TXNRD1: variants seen among roughly 807,000 people sequenced by gnomAD.
The protein encoded by TXNRD1 is thioredoxin reductase 1, also known as thioredoxin reductase 1, cytoplasmic.
A neutral mutation model predicts 80.3 loss-of-function variants in TXNRD1; 57 were observed. The observed-to-expected ratio is 0.71, with a 90% CI of 0.57 to 0.89. The LOEUF is 0.89. Ranked by LOEUF, TXNRD1 falls within the 40% of genes least tolerant of loss-of-function variation. The pLI, the probability that TXNRD1 is intolerant of heterozygous loss-of-function variation, is 0.00. For synonymous variants in TXNRD1, 291 were observed against 285.2 expected, an observed-to-expected ratio of 1.02 and a Z score of -0.20; for missense variants, 730 against 803.0, an observed-to-expected ratio of 0.91 and a Z score of 1.10.
At chr12:104,307,045 TTAAAA>T (rs986698135) in intron 4 of TXNRD1, among the ~76,000 whole-genome samples, 59 of 152,200 alleles carry the variant, frequency 3.9e-4, no homozygotes, top group African/African-American at 1.4e-3. Flanking sequence ...TTAATAGCTG[TTAAAA>T]TATAAAGTTG....
intron 14 of TXNRD1, among the ~76,000 whole-genome samples, chr12:104,331,891 A>G (rs2035964447): frequency 6.6e-6 from 1 of 151,884 alleles, no homozygotes; most frequent in African/African-American, 2.4e-5. Flanking sequence ...TAAATACTTT[A>G]TTGTGTATTT....
intron 12 of TXNRD1, 37 bp from the exon 13 acceptor site, chr12:104,327,478 G>A (rs1488182180): frequency 3.2e-6 from 5 of 1,574,634 alleles, no homozygotes; most frequent in South Asian, 1.2e-5. Flanking sequence ...ATTAATAATG[G>A]TAATTAATGA....
At chr12:104,319,733 AAG>A in intron 9 of TXNRD1, 148 bp downstream of exon 9, 1 of 658,344 alleles carries the variant, frequency 1.5e-6, no homozygotes, top group African/African-American at 1.8e-5. Context: ...GTTTGGGAGA[AAG>A]AGAAAAAGGA....
intron 1 of TXNRD1, among the ~76,000 whole-genome samples, chr12:104,219,251 A>T (rs1342946292): frequency 1.3e-5 from 2 of 152,198 alleles, no homozygotes; most frequent in Admixed American, 6.5e-5. Flanking sequence ...TATTGACATT[A>T]AAAATGTTCT....
intron 3 of TXNRD1, among the ~76,000 whole-genome samples, chr12:104,275,204 G>A (rs2033732108): frequency 2.0e-5 from 3 of 151,372 alleles, no homozygotes; most frequent in Admixed American, 2.0e-4. Flanking sequence ...CTTGAACCCA[G>A]GAGGCAGAGG....
intron 1 of TXNRD1, among the ~76,000 whole-genome samples, chr12:104,217,457 T>A (rs1396575733): frequency 1.3e-5 from 2 of 151,888 alleles, no homozygotes; most frequent in African/African-American, 4.8e-5. Flanking sequence ...ATTACAGGCA[T>A]GCACCACCAC....
chr12:104,250,315 AT>A (rs1344051136), intron 1 of TXNRD1, among the ~76,000 whole-genome samples: 2 of 152,234 alleles, frequency 1.3e-5, no homozygotes, highest in Non-Finnish European at 2.9e-5. Context: ...TACAAAAAAA[AT>A]AAAATCCTTG....
intron 4 of TXNRD1, among the ~76,000 whole-genome samples, chr12:104,303,232 T>G (rs1219047373): frequency 6.6e-6 from 1 of 152,092 alleles, no homozygotes; most frequent in African/African-American, 2.4e-5. Flanking sequence ...GGGGGCTTGG[T>G]TTTTAAGAGG....
chr12:104,284,712 G>A (rs903657826), intron 3 of TXNRD1, among the ~76,000 whole-genome samples: 1 of 152,180 alleles, frequency 6.6e-6, no homozygotes, highest in African/African-American at 2.4e-5. Context: ...GGACAAAGAA[G>A]AGGGAAGGAG....
chr12:104,345,586 G>A (rs1189233598), intron 16 of TXNRD1, among the ~76,000 whole-genome samples: 1 of 152,146 alleles, frequency 6.6e-6, no homozygotes, highest in Non-Finnish European at 1.5e-5. Flanking sequence ...GGGGTTGGTG[G>A]TCATTTATTC....
rs145991741 is a variant in TXNRD1 at position 104,250,689 on chromosome 12, T to C, written c.92-838T>C. On this transcript the variant is annotated intron_variant, in intron 1 of 16. Coordinates refer to ENST00000525566, the MANE Select transcript of TXNRD1 (RefSeq NM_001093771.3). ...GTCTAGTTCTGGATAAATACAAATA[T>C]CAACTATGAAGATGATAAGGAGATT... Among the ~76,000 whole-genome samples, 388 of 152,274 alleles carry C rather than the reference T, an allele frequency of 2.5e-3. 2 individuals are homozygous for C. The highest frequency in any genetic ancestry group is 8.9e-3 in the African/African-American group (370 of 41,564).
intron 1 of TXNRD1, among the ~76,000 whole-genome samples, chr12:104,229,098 C>G (rs985237998): frequency 6.6e-6 from 1 of 151,760 alleles, no homozygotes; most frequent in Admixed American, 6.6e-5. Flanking sequence ...CAATTGCTAG[C>G]CTACTTTCTG....
In TXNRD1 at chr12:104,315,862, C is replaced by G. The variant is rs368438379; in HGVS notation, c.696C>G (p.Asp232Glu). 4.4e-5 allele frequency: 71 copies of G among 1,612,018 alleles called. No individual in the cohort carries two copies. In the African/African-American group the frequency reaches 8.9e-4, roughly 20 times the overall value. Residue 232 changes from aspartate to glutamate, a missense_variant, in exon 7 of 17, where the codon GAC (aspartate) becomes GAG (glutamate). Transcript: ENST00000525566. ...QAALLGQALQ[D>E]SRNYGWKVEE... is the part of the protein sequence containing the mutation. Reference sequence around the variant, plus strand: ...CTTTGTTAGGACAAGCCCTGCAAGACTCTCGAAATTATGGATGGAAAGTCG... The same window carrying G: ...CTTTGTTAGGACAAGCCCTGCAAGAGTCTCGAAATTATGGATGGAAAGTCG...
chr12:104,220,626 G>A (rs989278629), intron 1 of TXNRD1, among the ~76,000 whole-genome samples: 2 of 151,436 alleles, frequency 1.3e-5, no homozygotes, highest in African/African-American at 4.8e-5. Context: ...TCAGGAGGCT[G>A]AGGCAGGAGA....
chr12:104,289,956 G>T (rs1797745464), intron 4 of TXNRD1, among the ~76,000 whole-genome samples: 1 of 152,202 alleles, frequency 6.6e-6, no homozygotes, highest in African/African-American at 2.4e-5. Context: ...ACGGCTGGGT[G>T]CATGTTTAAG....
chr12:104,270,101 A>G (rs956068654), intron 3 of TXNRD1, among the ~76,000 whole-genome samples: 1 of 152,180 alleles, frequency 6.6e-6, no homozygotes, highest in Non-Finnish European at 1.5e-5. Flanking sequence ...GTTACTCATA[A>G]GGGTTGGAAT....
At chr12:104,347,755 GTGT>G (rs1378184732) in intron 16 of TXNRD1, among the ~76,000 whole-genome samples, 1 of 152,186 alleles carries the variant, frequency 6.6e-6, no homozygotes, top group African/African-American at 2.4e-5. Context: ...TACACTGTAT[GTGT>G]TGTTCTATAC....
chr12:104,264,098 ATACT>A (rs1382286243), intron 3 of TXNRD1, among the ~76,000 whole-genome samples: 4 of 152,224 alleles, frequency 2.6e-5, no homozygotes, highest in African/African-American at 7.2e-5. Flanking sequence ...TTTGGTATTG[ATACT>A]TACTCATTCA....
At chr12:104,253,758 A>C (rs182621352) in intron 2 of TXNRD1, among the ~76,000 whole-genome samples, 3 of 151,304 alleles carry the variant, frequency 2.0e-5, no homozygotes, top group African/African-American at 7.3e-5. Context: ...CAGTGGTGTG[A>C]TCTCGGCTCG....
Sources: allele counts gnomAD v4.1 joint callset (sites outside exome capture counted in the v4.1 genomes callset), GRCh38; gene constraint gnomAD v4.1.1; transcripts MANE v1.5; gene names NCBI Gene and HGNC (gene_info 2026-07-23, HGNC 2026-07-21).